The following DAAM1 variants were observed in gnomAD, a reference collection of about 807,000 sequenced individuals.
DAAM1 encodes the protein dishevelled associated activator of morphogenesis 1.
Under a neutral mutation model 130.0 loss-of-function variants are expected in DAAM1, and 52 were observed. That is an observed-to-expected ratio of 0.40 (90% CI 0.32 to 0.50). The LOEUF (loss-of-function observed/expected upper bound fraction) is 0.50. Ranked by LOEUF, DAAM1 falls within the 20% of genes least tolerant of loss-of-function variation. DAAM1 has a pLI of 0.61. For missense variants in DAAM1, 1,134 were observed against 1,303.8 expected, an observed-to-expected ratio of 0.87 and a Z score of 2.01; for synonymous variants, 452 against 444.5, an observed-to-expected ratio of 1.02 and a Z score of -0.21.
At chr14:59,340,283 G>GTACA in intron 16 of DAAM1, 103 bp downstream of exon 16, 1 of 1,068,246 alleles carries the variant, frequency 9.4e-7, no homozygotes, top group Non-Finnish European at 1.4e-6. Flanking sequence ...CTCTGCTGAG[G>GTACA]TACAGTTCTT....
chr14:59,298,121 A>G (rs1884029986), intron 3 of DAAM1, among the ~76,000 whole-genome samples: 1 of 152,172 alleles, frequency 6.6e-6, no homozygotes, highest in Non-Finnish European at 1.5e-5. Flanking sequence ...AAATTCATGC[A>G]ATGTATTTTA....
intron 1 of DAAM1, among the ~76,000 whole-genome samples, chr14:59,196,637 G>A (rs1209585459): frequency 6.6e-6 from 1 of 151,980 alleles, no homozygotes; most frequent in East Asian, 2.0e-4. Flanking sequence ...CAGCTACTCC[G>A]GAGGCTGAGG....
At chr14:59,364,003 G>A (rs900022302) in intron 23 of DAAM1, among the ~76,000 whole-genome samples, 2 of 152,048 alleles carry the variant, frequency 1.3e-5, no homozygotes, top group African/African-American at 2.4e-5. Context: ...CACCCTTTTT[G>A]TCTGACTGGC....
intron 2 of DAAM1, among the ~76,000 whole-genome samples, chr14:59,283,581 G>A (rs1045962901): frequency 6.6e-6 from 1 of 152,134 alleles, no homozygotes; most frequent in Non-Finnish European, 1.5e-5. Context: ...TTTAAATGAT[G>A]AAATAACAAC....
chr14:59,336,604 A>G (rs1885636728), intron 15 of DAAM1, among the ~76,000 whole-genome samples: 1 of 152,210 alleles, frequency 6.6e-6, no homozygotes, highest in African/African-American at 2.4e-5. Flanking sequence ...TAGGGTAATA[A>G]TTGAAGAAAC....
intron 3 of DAAM1, among the ~76,000 whole-genome samples, chr14:59,302,520 G>A (rs2139584695): frequency 6.6e-6 from 1 of 152,262 alleles, no homozygotes; most frequent in South Asian, 2.1e-4. Context: ...GCTGCACCAT[G>A]GGAAGAATGC....
chr14:59,209,384 A>G (rs117382046), intron 1 of DAAM1, among the ~76,000 whole-genome samples: 221 of 152,348 alleles, frequency 1.5e-3, no homozygotes, highest in Non-Finnish European at 2.8e-3. Flanking sequence ...GGATAAATTC[A>G]TAGAAATAAA....
At chr14:59,199,699 G>A (rs1888038021) in intron 1 of DAAM1, among the ~76,000 whole-genome samples, 1 of 152,324 alleles carries the variant, frequency 6.6e-6, no homozygotes, top group East Asian at 1.9e-4. Context: ...TGGGCTGGCA[G>A]ATGACCCATT....
At chr14:59,264,389 T>A (rs1454585614) in intron 2 of DAAM1, 2 of 152,240 alleles carry the variant, frequency 1.3e-5, no homozygotes, top group African/African-American at 4.8e-5. Context: ...AGCATAGGAC[T>A]TAGGAAGACT....
chr14:59,291,073 C>A, intron 2 of DAAM1, 144 bp from the exon 3 acceptor site: 1 of 687,676 alleles, frequency 1.5e-6, no homozygotes. Flanking sequence ...AAAAACATAC[C>A]TAACTTAGCT....
rs554843286 is a variant in DAAM1 at position 59,219,609 on chromosome 14, C to T, written c.-38+30841C>T. 2.6e-5 allele frequency among the ~76,000 whole-genome samples: 4 copies of T among 152,170 alleles called. No homozygotes were observed. In the South Asian group the frequency reaches 8.3e-4, roughly 31 times the overall value. On this transcript the variant is annotated intron_variant, in intron 1 of 24. Transcript: ENST00000360909. ...GTAGACTATTATACGGTACTCTTTCCTCCAAGAGTAAAGTCTAGAAAACTG... is the reference window on the plus strand; with the variant it reads ...GTAGACTATTATACGGTACTCTTTCTTCCAAGAGTAAAGTCTAGAAAACTG...
At chr14:59,222,353 T>C (rs1254001859) in intron 1 of DAAM1, among the ~76,000 whole-genome samples, 2 of 152,202 alleles carry the variant, frequency 1.3e-5, no homozygotes, top group Non-Finnish European at 2.9e-5. Flanking sequence ...CCAGAGTCAA[T>C]GTCCATTCCA....
chr14:59,326,599 C>A lies in DAAM1; in HGVS notation c.1264C>A (p.Pro422Thr). ...TATCCAGAATGACAAAGGACAGGAC[C>A]CTGACTCCACACCTTTGGAAAACTT... ...IVIQNDKGQD[P>T]DSTPLENFNI... Residue 422 changes from proline (P) to threonine (T), a missense_variant, in exon 11 of 25, where the codon CCT becomes ACT. Pro to Thr is a conservative substitution (Grantham distance 38, BLOSUM62 -1). This residue lies in a region of DAAM1 where 391 missense variants were observed against 521.6 expected (regional missense o/e 0.75). Transcript: ENST00000360909. 6.2e-7 allele frequency: 1 copy of A among 1,613,636 alleles called. No homozygotes were observed. The highest frequency in any genetic ancestry group is 2.2e-5 in the East Asian group (1 of 44,842).
At chr14:59,310,082 T>C (rs1884522225) in intron 3 of DAAM1, among the ~76,000 whole-genome samples, 1 of 151,520 alleles carries the variant, frequency 6.6e-6, no homozygotes, top group Non-Finnish European at 1.5e-5. Context: ...TGGACTGGTG[T>C]TACCTAGAAT....
intron 1 of DAAM1, among the ~76,000 whole-genome samples, chr14:59,240,440 T>C (rs1881053689): frequency 6.6e-6 from 1 of 152,100 alleles, no homozygotes; most frequent in Non-Finnish European, 1.5e-5. Flanking sequence ...AGAAATCCCA[T>C]TGGAATTGGC....
intron 2 of DAAM1, among the ~76,000 whole-genome samples, chr14:59,285,565 G>C (rs1290494688): frequency 3.9e-5 from 6 of 152,090 alleles, no homozygotes; most frequent in African/African-American, 1.4e-4. Context: ...GTGCTGATAG[G>C]CTCAAAGTAA....
At chr14:59,355,914 T>C (rs1049141741) in intron 20 of DAAM1, among the ~76,000 whole-genome samples, 3 of 152,250 alleles carry the variant, frequency 2.0e-5, no homozygotes, top group African/African-American at 2.4e-5. Flanking sequence ...TAAAAACTTA[T>C]GTATAAATGC....
intron 1 of DAAM1, among the ~76,000 whole-genome samples, chr14:59,220,042 T>C (rs1888721806): frequency 6.6e-6 from 1 of 152,212 alleles, no homozygotes; most frequent in Non-Finnish European, 1.5e-5. Context: ...CAGGATGGCA[T>C]CCATTGCCTG....
In DAAM1 at chr14:59,330,761, G is replaced by T. The variant is rs10148920; in HGVS notation, c.1560+73G>T. 772 of 1,417,662 alleles carry T rather than the reference G, an allele frequency of 5.4e-4. 2 individuals are homozygous for T. The African/African-American group carries it at 8.5e-3, about 16-fold the overall frequency. The allele number at this position is 1,417,662 out of a possible 1,614,324, so 87.8% of individuals were successfully genotyped here. On this transcript the variant is annotated intron_variant, in intron 13 of 24. Transcript: ENST00000360909. ...CCCTAGAGCCCCTCACCCTTAAGTAGAGAACTTCATACTGGGGGAATAAAA... is the reference window on the plus strand; with the variant it reads ...CCCTAGAGCCCCTCACCCTTAAGTATAGAACTTCATACTGGGGGAATAAAA...
Sources: gnomAD v4.1 joint callset for allele counts (sites outside exome capture counted in the v4.1 genomes callset) on GRCh38, gnomAD v4.1.1 for gene constraint, gnomAD v4.1.1 regional missense constraint, MANE v1.5 for transcripts, NCBI Gene and HGNC (gene_info 2026-07-23, HGNC 2026-07-21) for gene names.